The following MEF2A variants were observed in gnomAD, a reference collection of about 807,000 sequenced individuals.
The protein encoded by MEF2A is myocyte enhancer factor 2A.
In MEF2A, 28 loss-of-function variants were observed where a neutral mutation model predicts 55.8. The observed-to-expected ratio is 0.50, with a 90% CI of 0.37 to 0.69. MEF2A has a LOEUF of 0.69. Among genes scored for constraint, MEF2A ranks in the 30% least tolerant of loss-of-function variants. MEF2A has a pLI of 0.00. For missense variants in MEF2A, 528 were observed against 626.2 expected, an observed-to-expected ratio of 0.84 and a Z score of 1.67; for synonymous variants, 239 against 227.1, an observed-to-expected ratio of 1.05 and a Z score of -0.47.
intron 3 of MEF2A, among the ~76,000 whole-genome samples, chr15:99,640,096 A>C (rs2044609718): frequency 6.6e-6 from 1 of 152,092 alleles, no homozygotes; most frequent in Non-Finnish European, 1.5e-5. Context: ...TGGTTTTTTT[A>C]AATGTTCCGA....
intron 2 of MEF2A, among the ~76,000 whole-genome samples, chr15:99,612,494 A>G (rs938678984): frequency 3.3e-5 from 5 of 152,196 alleles, no homozygotes; most frequent in African/African-American, 9.6e-5. Context: ...CACATACCAT[A>G]TTTAAACTCA....
intron 9 of MEF2A, 179 bp from the exon 10 acceptor site, chr15:99,706,550 G>T: frequency 3.2e-6 from 2 of 624,672 alleles, no homozygotes; most frequent in South Asian, 2.1e-5. Flanking sequence ...GTAAAAATAG[G>T]ACCCTTCAAA....
chr15:99,599,439 T>C (rs1030247789), intron 2 of MEF2A, among the ~76,000 whole-genome samples: 2 of 152,076 alleles, frequency 1.3e-5, no homozygotes, highest in African/African-American at 2.4e-5. Flanking sequence ...TTAACATAGG[T>C]CTAAATTTTT....
Position 99,713,205 on chromosome 15 carries a change from CAGAGCAGTAGAAA to C in MEF2A, c.*437_*449del. On this transcript the variant is annotated 3_prime_UTR_variant, in exon 12 of 12. Transcript: ENST00000557942. ...ACTTAAGAGAAAATGCTTTGTAGAA[CAGAGCAGTAGAAA>C]AGCAGGAACCAAGAAAGCAATACTG... 1 of 403,220 alleles carries C rather than the reference CAGAGCAGTAGAAA, an allele frequency of 2.5e-6. No homozygotes were observed. The highest frequency in any genetic ancestry group is 2.0e-5 in the African/African-American group (1 of 48,804). 25.0% of individuals were successfully genotyped at this position (403,220 alleles called of 1,614,324 possible). A position where few individuals can be genotyped will look rare whatever the true frequency, so the allele number is the denominator to read the frequency against.
At chr15:99,688,302 A>C (rs1456786787) in intron 7 of MEF2A, among the ~76,000 whole-genome samples, 1 of 152,222 alleles carries the variant, frequency 6.6e-6, no homozygotes, top group Admixed American at 6.5e-5. Flanking sequence ...TCAGGCTTAA[A>C]TTGTATAGGG....
At chr15:99,627,164 A>G (rs888622572) in intron 2 of MEF2A, among the ~76,000 whole-genome samples, 1 of 152,096 alleles carries the variant, frequency 6.6e-6, no homozygotes, top group Admixed American at 6.5e-5. Flanking sequence ...TAACTGGATA[A>G]GGAAGATAGT....
intron 8 of MEF2A, among the ~76,000 whole-genome samples, chr15:99,699,610 A>G (rs771656141): frequency 3.3e-5 from 5 of 152,218 alleles, no homozygotes; most frequent in Non-Finnish European, 5.9e-5. Context: ...ATATAACTTT[A>G]TTACAGATAA....
chr15:99,582,630 C>G (rs1395873834), intron 1 of MEF2A, among the ~76,000 whole-genome samples: 3 of 152,036 alleles, frequency 2.0e-5, no homozygotes, highest in Admixed American at 6.6e-5. Flanking sequence ...TGCTGTCTTA[C>G]AAATGACTCA....
At chr15:99,627,426 A>G (rs2042225123) in intron 2 of MEF2A, among the ~76,000 whole-genome samples, 1 of 147,058 alleles carries the variant, frequency 6.8e-6, no homozygotes, top group African/African-American at 2.5e-5. Context: ...TCTCAAAAAA[A>G]AAAAAAAAAA....
chr15:99,623,959 C>T (rs1428628625), intron 2 of MEF2A, among the ~76,000 whole-genome samples: 1 of 152,022 alleles, frequency 6.6e-6, no homozygotes, highest in African/African-American at 2.4e-5. Flanking sequence ...AGGCATGCAC[C>T]ACCAACCCGG....
chr15:99,634,205 A>G (rs2043384846), intron 3 of MEF2A, among the ~76,000 whole-genome samples: 1 of 152,160 alleles, frequency 6.6e-6, no homozygotes, highest in Non-Finnish European at 1.5e-5. Context: ...ATAATTGGAG[A>G]TAAAACTCAA....
chr15:99,662,511 G>A (rs1407847406), intron 4 of MEF2A, among the ~76,000 whole-genome samples: 2 of 141,496 alleles, frequency 1.4e-5, no homozygotes, highest in Non-Finnish European at 3.0e-5. Flanking sequence ...GTCTTGTTCT[G>A]TCACCCAGGC....
At chr15:99,589,446 C>A (rs1363636240) in intron 1 of MEF2A, among the ~76,000 whole-genome samples, 1 of 151,950 alleles carries the variant, frequency 6.6e-6, no homozygotes, top group African/African-American at 2.4e-5. Flanking sequence ...ACTAGAAGTT[C>A]TTTTCAAATA....
intron 4 of MEF2A, among the ~76,000 whole-genome samples, chr15:99,663,149 G>T (rs1038127216): frequency 2.0e-5 from 3 of 151,986 alleles, no homozygotes; most frequent in Non-Finnish European, 4.4e-5. Context: ...TACTCCAGCA[G>T]TATAGGCTCT....
At chr15:99,666,640 G>A (rs1397943961) in intron 4 of MEF2A, among the ~76,000 whole-genome samples, 6 of 150,090 alleles carry the variant, frequency 4.0e-5, no homozygotes, top group Non-Finnish European at 7.4e-5. Context: ...AAAAAGGAAG[G>A]CTTTTAAAGT....
intron 4 of MEF2A, among the ~76,000 whole-genome samples, chr15:99,653,135 A>G (rs1052915943): frequency 7.2e-5 from 11 of 152,210 alleles, no homozygotes; most frequent in Non-Finnish European, 1.5e-5. Context: ...GGCAGAAGAT[A>G]CTAGGTGCTT....
At chr15:99,592,273 T>C (rs1231957864) in intron 1 of MEF2A, among the ~76,000 whole-genome samples, 1 of 152,138 alleles carries the variant, frequency 6.6e-6, no homozygotes, top group Non-Finnish European at 1.5e-5. Flanking sequence ...TGCAGTCTTA[T>C]GTAATCTTTG....
rs146939005 is a variant in MEF2A, at chr15:99,689,526, G to A, written c.671-715G>A. 4.6e-5 allele frequency among the ~76,000 whole-genome samples: 7 copies of A among 152,262 alleles called. No individual in the cohort carries two copies. In the East Asian group the frequency reaches 1.4e-3, roughly 29 times the overall value. On this transcript the variant is annotated intron_variant, in intron 7 of 11. Coordinates refer to ENST00000557942, the MANE Select transcript of MEF2A (RefSeq NM_001319206.4). ...GACACAGTTTCACTCTGTCACCCACGCTGTAGTGCAGGGGCATGATCTCAG... is the reference window on the plus strand; with the variant it reads ...GACACAGTTTCACTCTGTCACCCACACTGTAGTGCAGGGGCATGATCTCAG...
chr15:99,597,705 C>T (rs1188393735), intron 1 of MEF2A, among the ~76,000 whole-genome samples: 1 of 152,112 alleles, frequency 6.6e-6, no homozygotes, highest in Non-Finnish European at 1.5e-5. Flanking sequence ...TGTGATGTCT[C>T]CCCTGGACGC....
Sources: gnomAD v4.1 joint callset for allele counts (sites outside exome capture counted in the v4.1 genomes callset) on GRCh38, gnomAD v4.1.1 for gene constraint, MANE v1.5 for transcripts, NCBI Gene and HGNC (gene_info 2026-07-23, HGNC 2026-07-21) for gene names.